Variants in GRM7 observed in about 807,000 individuals in gnomAD.
GRM7 encodes the protein metabotropic glutamate receptor 7.
GRM7 carries 35 observed loss-of-function variants against 84.5 expected under a neutral mutation model. The ratio of observed to expected loss-of-function variants is 0.41; its 90% CI spans 0.32 to 0.55. GRM7 has a LOEUF of 0.55. Ranked by LOEUF, GRM7 falls within the 20% of genes least tolerant of loss-of-function variation. The pLI, the probability that GRM7 is intolerant of heterozygous loss-of-function variation, is 0.19. For synonymous variants in GRM7, 487 were observed against 455.1 expected, an observed-to-expected ratio of 1.07 and a Z score of -0.89; for missense variants, 1,003 against 1,194.6, an observed-to-expected ratio of 0.84 and a Z score of 2.36.
intron 7 of GRM7, among the ~76,000 whole-genome samples, chr3:7,498,821 C>A (rs1405452289): frequency 6.6e-6 from 1 of 152,146 alleles, no homozygotes; most frequent in Non-Finnish European, 1.5e-5. Flanking sequence ...GAGACCTGTT[C>A]TGATTAACTT....
chr3:6,927,092 A>G (rs1218725299), intron 1 of GRM7, among the ~76,000 whole-genome samples: 2 of 152,174 alleles, frequency 1.3e-5, no homozygotes, highest in Admixed American at 6.5e-5. Context: ...ACTTCATGTT[A>G]TACAATTTAA....
chr3:6,907,943 G>C lies in GRM7; in HGVS notation c.519+46036G>C, dbSNP rs75695132. Among the ~76,000 whole-genome samples the C allele has an allele frequency of 4.2e-3, 645 of 152,070 alleles. 5 individuals carry two copies. Among genetic ancestry groups the C allele is most frequent in the African/African-American group, 0.015 (618 of 41,498 alleles). On this transcript the variant is annotated intron_variant, in intron 1 of 9. Coordinates refer to ENST00000357716, the MANE Select transcript of GRM7 (RefSeq NM_000844.4). Reference sequence around the variant, plus strand: ...CATGTGGGGTTATTCTTAATGTATTGATCTCTCTTTCCCTCTCTGCTTTCC... The same window carrying C: ...CATGTGGGGTTATTCTTAATGTATTCATCTCTCTTTCCCTCTCTGCTTTCC...
At chr3:7,594,584 G>C (rs2125065812) in intron 8 of GRM7, among the ~76,000 whole-genome samples, 1 of 152,168 alleles carries the variant, frequency 6.6e-6, no homozygotes, top group Non-Finnish European at 1.5e-5. Context: ...CTGACAGCAG[G>C]GTGCATTTCC....
intron 8 of GRM7, among the ~76,000 whole-genome samples, chr3:7,590,110 A>G (rs1271726391): frequency 1.3e-5 from 2 of 152,192 alleles, no homozygotes; most frequent in Admixed American, 6.5e-5. Context: ...CTTTTTGTTC[A>G]GAATGTCCCC....
chr3:7,561,038 G>A (rs945425943), intron 7 of GRM7, among the ~76,000 whole-genome samples: 2 of 152,040 alleles, frequency 1.3e-5, no homozygotes, highest in African/African-American at 4.8e-5. Flanking sequence ...GCCTGCCTGT[G>A]TCTTAGTCTC....
At chr3:7,082,340 C>T (rs1440175161) in intron 1 of GRM7, among the ~76,000 whole-genome samples, 1 of 152,056 alleles carries the variant, frequency 6.6e-6, no homozygotes, top group Non-Finnish European at 1.5e-5. Context: ...AATAAAACAA[C>T]AAAACCTGGA....
intron 9 of GRM7, among the ~76,000 whole-genome samples, chr3:7,709,680 T>A (rs1250908415): frequency 6.6e-6 from 1 of 152,170 alleles, no homozygotes. Flanking sequence ...GATTTCTGCT[T>A]TCAATAAGCA....
intron 4 of GRM7, among the ~76,000 whole-genome samples, chr3:7,357,099 T>C (rs1271351531): frequency 5.9e-5 from 9 of 151,478 alleles, no homozygotes; most frequent in Non-Finnish European, 8.8e-5. Context: ...CCCTGACTTA[T>C]ACACTGTCCA....
At chr3:7,410,477 G>T (rs912069800) in intron 4 of GRM7, among the ~76,000 whole-genome samples, 4 of 151,966 alleles carry the variant, frequency 2.6e-5, no homozygotes, top group African/African-American at 9.7e-5. Context: ...GGAGGCTGAG[G>T]TGGGAGGATC....
chr3:7,023,831 A>G (rs1695871428), intron 1 of GRM7, among the ~76,000 whole-genome samples: 1 of 152,172 alleles, frequency 6.6e-6, no homozygotes, highest in Admixed American at 6.6e-5. Flanking sequence ...GAGTGGGGAG[A>G]CATCATGCAA....
intron 7 of GRM7, among the ~76,000 whole-genome samples, chr3:7,482,089 G>C (rs1423459294): frequency 3.3e-5 from 5 of 152,196 alleles, no homozygotes; most frequent in Non-Finnish European, 7.3e-5. Flanking sequence ...CTGGGAGGCT[G>C]AGGCAGGAGA....
intron 2 of GRM7, among the ~76,000 whole-genome samples, chr3:7,148,216 C>G (rs140897400): frequency 2.0e-5 from 3 of 152,186 alleles, no homozygotes; most frequent in African/African-American, 4.8e-5. Context: ...TTCTTTCTTT[C>G]TTTGTTTTTC....
intron 2 of GRM7, among the ~76,000 whole-genome samples, chr3:7,248,166 C>T (rs1559526221): frequency 1.3e-5 from 2 of 152,144 alleles, no homozygotes; most frequent in Non-Finnish European, 2.9e-5. Context: ...GACTTATACT[C>T]AATGCTTATA....
intron 8 of GRM7, among the ~76,000 whole-genome samples, chr3:7,587,690 T>C (rs1299356439): frequency 6.6e-6 from 1 of 152,188 alleles, no homozygotes; most frequent in East Asian, 1.9e-4. Context: ...AGTAATGGAT[T>C]GCATGACAGT....
rs1314230029 is a variant in GRM7 at position 6,928,685 on chromosome 3, A to T, written c.519+66778A>T. On this transcript the variant is annotated intron_variant, in intron 1 of 9. Coordinates refer to ENST00000357716, the MANE Select transcript of GRM7 (RefSeq NM_000844.4). This position sits in a 1 kb window ranked among gnomAD's most constrained non-coding sequence, Gnocchi z 4.5. The stretch of plus-strand genomic sequence containing the variant: ...CAATAGAAGCTTAGTTAAGCAGGTG[A>T]TAATCTTCTCTTGGCCTCCAATTTA... Among the ~76,000 whole-genome samples, 1 of 152,208 alleles carries T rather than the reference A, an allele frequency of 6.6e-6. No individual in the cohort carries two copies. The highest frequency in any genetic ancestry group is 2.4e-5 in the African/African-American group (1 of 41,466).
chr3:7,269,567 G>A (rs952924989), intron 2 of GRM7, among the ~76,000 whole-genome samples: 22 of 152,182 alleles, frequency 1.4e-4, no homozygotes, highest in African/African-American at 4.6e-4. Context: ...GAAGGGCCAT[G>A]TACTACCTCC....
In GRM7 at chr3:7,221,549, G is replaced by C. The variant is rs139083256; in HGVS notation, c.736+74881G>C. The stretch of plus-strand genomic sequence containing the variant: ...GTTGACTTAGTCAATCTCTTCTAAG[G>C]GTTCTGCATTTTATATTGTAGGGGT... On this transcript the variant is annotated intron_variant, in intron 2 of 9. Coordinates refer to ENST00000357716, the MANE Select transcript of GRM7 (RefSeq NM_000844.4). Among the ~76,000 whole-genome samples the C allele has an allele frequency of 2.0e-4, 30 of 151,798 alleles. 1 individual carries two copies. The East Asian group carries it at 5.4e-3, about 27-fold the overall frequency.
intron 1 of GRM7, among the ~76,000 whole-genome samples, chr3:6,873,744 C>T (rs2124947476): frequency 6.6e-6 from 1 of 152,330 alleles, no homozygotes; most frequent in African/African-American, 2.4e-5. Flanking sequence ...TGTATAAGGG[C>T]AGGGTTGTCA....
At chr3:7,088,402 T>G (rs575386794) in intron 1 of GRM7, among the ~76,000 whole-genome samples, 4 of 152,212 alleles carry the variant, frequency 2.6e-5, no homozygotes, top group South Asian at 4.1e-4. Context: ...AAATAGTTTA[T>G]GAAGTGAAGA....
Sources: gnomAD v4.1 joint callset for allele counts (sites outside exome capture counted in the v4.1 genomes callset) on GRCh38, gnomAD v4.1.1 for gene constraint, Gnocchi (gnomAD v3.1) non-coding constraint, MANE v1.5 for transcripts, NCBI Gene and HGNC (gene_info 2026-07-23, HGNC 2026-07-21) for gene names.